ADAMTS17: variants seen among roughly 807,000 people sequenced by gnomAD.
The protein encoded by ADAMTS17 is ADAM metallopeptidase with thrombospondin type 1 motif 17.
Under a neutral mutation model 141.5 loss-of-function variants are expected in ADAMTS17, and 113 were observed. The ratio of observed to expected loss-of-function variants is 0.80; its 90% CI spans 0.69 to 0.93. The LOEUF (loss-of-function observed/expected upper bound fraction) is 0.93, where lower values mean the gene tolerates loss of function less well. Ranked by LOEUF, ADAMTS17 falls within the 40% of genes least tolerant of loss-of-function variation. The pLI is 0.00. For synonymous variants in ADAMTS17, 768 were observed against 630.6 expected (o/e 1.22, Z -3.27); for missense variants, 1,659 against 1,517.9 (o/e 1.09, Z -1.54).
intron 7 of ADAMTS17, among the ~76,000 whole-genome samples, chr15:100,219,971 T>C (rs763842907): frequency 1.3e-5 from 2 of 152,196 alleles, no homozygotes; most frequent in Non-Finnish European, 2.9e-5. Context: ...AACAATTTTA[T>C]GAGGCGGGTA....
intron 8 of ADAMTS17, among the ~76,000 whole-genome samples, chr15:100,192,972 C>T (rs2040974509): frequency 6.6e-6 from 1 of 152,224 alleles, no homozygotes; most frequent in Non-Finnish European, 1.5e-5. Flanking sequence ...GCCAGGCAAG[C>T]ACGTGCCTAG....
intron 8 of ADAMTS17, 125 bp downstream of exon 8, chr15:100,199,193 T>C: frequency 1.1e-6 from 1 of 877,812 alleles, no homozygotes; most frequent in Non-Finnish European, 1.9e-6. Flanking sequence ...CTGACCTGGG[T>C]CCTTTATTGC....
At chr15:100,109,690 A>G (rs760205430) in intron 13 of ADAMTS17, among the ~76,000 whole-genome samples, 4 of 152,136 alleles carry the variant, frequency 2.6e-5, no homozygotes, top group Non-Finnish European at 5.9e-5. Flanking sequence ...AGGACAACTT[A>G]TAAGAGCCGC....
intron 3 of ADAMTS17, among the ~76,000 whole-genome samples, chr15:100,321,789 G>T (rs1000423145): frequency 6.6e-6 from 1 of 151,952 alleles, no homozygotes; most frequent in African/African-American, 2.4e-5. Context: ...AAATCAAGCA[G>T]GTCCAAAATA....
intron 16 of ADAMTS17, among the ~76,000 whole-genome samples, chr15:100,053,400 C>G (rs538013847): frequency 6.6e-6 from 1 of 152,270 alleles, no homozygotes; most frequent in East Asian, 1.9e-4. Context: ...TCTGATCCCC[C>G]TCCCTGATTC....
intron 12 of ADAMTS17, among the ~76,000 whole-genome samples, chr15:100,124,998 T>C (rs1373481624): frequency 6.6e-6 from 1 of 152,198 alleles, no homozygotes; most frequent in Non-Finnish European, 1.5e-5. Context: ...AAGAGAAAGA[T>C]GCCACTTTTT....
chr15:100,207,319 G>C (rs1008347150), intron 7 of ADAMTS17, among the ~76,000 whole-genome samples: 4 of 152,186 alleles, frequency 2.6e-5, no homozygotes, highest in African/African-American at 7.2e-5. Flanking sequence ...AGTCCTACTG[G>C]CACTGCGGAG....
At chr15:100,120,660 G>A (rs1156727227) in intron 12 of ADAMTS17, among the ~76,000 whole-genome samples, 1 of 152,242 alleles carries the variant, frequency 6.6e-6, no homozygotes, top group Non-Finnish European at 1.5e-5. Flanking sequence ...GACCTGATAA[G>A]ACCTTCAGCT....
intron 18 of ADAMTS17, among the ~76,000 whole-genome samples, chr15:100,036,459 C>A (rs112667450): frequency 4.6e-5 from 7 of 152,328 alleles, no homozygotes; most frequent in Non-Finnish European, 1.0e-4. Context: ...CTGACTGTCC[C>A]CACTGCCCCA....
At chr15:100,277,327 C>T (rs529580646) in intron 4 of ADAMTS17, among the ~76,000 whole-genome samples, 19 of 152,202 alleles carry the variant, frequency 1.2e-4, no homozygotes, top group Admixed American at 1.3e-4. Context: ...TCAGTCTTTA[C>T]GGCCCATGAG....
intron 10 of ADAMTS17, among the ~76,000 whole-genome samples, chr15:100,140,408 T>C (rs1057451341): frequency 6.6e-6 from 1 of 151,274 alleles, no homozygotes; most frequent in Non-Finnish European, 1.5e-5. Flanking sequence ...CACAATTTTT[T>C]AAAAATGACG....
chr15:100,207,199 C>T (rs1041323883), intron 7 of ADAMTS17, among the ~76,000 whole-genome samples: 1 of 152,092 alleles, frequency 6.6e-6, no homozygotes, highest in Non-Finnish European at 1.5e-5. Flanking sequence ...AGAGGTATTT[C>T]TCCCTCCCTC....
At chr15:100,074,343 T>C (rs2034214195) in intron 15 of ADAMTS17, among the ~76,000 whole-genome samples, 1 of 151,984 alleles carries the variant, frequency 6.6e-6, no homozygotes, top group African/African-American at 2.4e-5. Context: ...TTATATAGAG[T>C]GTATAATAAC....
intron 8 of ADAMTS17, chr15:100,168,437 A>G (rs1190569880): frequency 3.3e-5 from 5 of 152,248 alleles, no homozygotes; most frequent in Non-Finnish European, 5.9e-5. Context: ...ATTTGGTGAG[A>G]ATAAGAATAT....
chr15:100,243,633 T>C (rs1014843029), intron 7 of ADAMTS17, among the ~76,000 whole-genome samples: 2 of 151,672 alleles, frequency 1.3e-5, no homozygotes, highest in African/African-American at 4.8e-5. Flanking sequence ...CTACTAAAAA[T>C]ACAAAAATTA....
chr15:99,998,317 G>A (rs1022995997), intron 18 of ADAMTS17, among the ~76,000 whole-genome samples: 7 of 152,234 alleles, frequency 4.6e-5, no homozygotes, highest in African/African-American at 1.2e-4. Flanking sequence ...CTAAAACTTC[G>A]GCTCAGGCTG....
intron 14 of ADAMTS17, among the ~76,000 whole-genome samples, chr15:100,098,148 G>A (rs557785828): frequency 2.0e-5 from 3 of 152,182 alleles, no homozygotes; most frequent in South Asian, 2.1e-4. Context: ...TGGGCTTGAT[G>A]GTGGCTGGGG....
intron 8 of ADAMTS17, among the ~76,000 whole-genome samples, chr15:100,159,055 C>G (rs2039569837): frequency 6.6e-6 from 1 of 152,116 alleles, no homozygotes; most frequent in African/African-American, 2.4e-5. Flanking sequence ...ATGAAAAAAA[C>G]AGTATGGAGG....
intron 12 of ADAMTS17, among the ~76,000 whole-genome samples, chr15:100,129,969 C>A (rs896392605): frequency 2.0e-5 from 3 of 152,188 alleles, no homozygotes; most frequent in African/African-American, 7.2e-5. Flanking sequence ...AAACTATTAA[C>A]GTCAACACAG....
Sources: allele counts gnomAD v4.1 joint callset (sites outside exome capture counted in the v4.1 genomes callset), GRCh38; gene constraint gnomAD v4.1.1; transcripts MANE v1.5; gene names NCBI Gene and HGNC (gene_info 2026-07-23, HGNC 2026-07-21).